The following DNAAF1 variants were observed in gnomAD, a reference collection of about 807,000 sequenced individuals.
DNAAF1 encodes dynein assembly factor 1, axonemal.
DNAAF1 carries 65 observed loss-of-function variants against 71.1 expected under a neutral mutation model. The ratio of observed to expected loss-of-function variants is 0.91; its 90% CI spans 0.75 to 1.12. The LOEUF (loss-of-function observed/expected upper bound fraction) is 1.12, where lower values mean the gene tolerates loss of function less well. Ranked by LOEUF, DNAAF1 falls within the 50% of genes most tolerant of loss-of-function variation. The pLI is 0.00. For synonymous variants in DNAAF1, 414 were observed against 354.6 expected (o/e 1.17, Z -1.88); for missense variants, 1,178 against 899.8 (o/e 1.31, Z -3.96).
intron 9 of DNAAF1, 143 bp from the exon 10 acceptor site, chr16:84,174,526 G>A (rs188634781): frequency 1.8e-4 from 279 of 1,551,698 alleles, no homozygotes; most frequent in Non-Finnish European, 2.1e-4. Flanking sequence ...CTTTTGGTGG[G>A]GAACAGGCAG....
chr16:84,153,585 C>A (rs1342927423), intron 3 of DNAAF1, among the ~76,000 whole-genome samples: 1 of 152,108 alleles, frequency 6.6e-6, no homozygotes, highest in Non-Finnish European at 1.5e-5. Context: ...AACATGGGTG[C>A]ATTTCTTTTT....
At chr16:84,163,472 C>A (rs1288934973) in intron 6 of DNAAF1, among the ~76,000 whole-genome samples, 2 of 151,874 alleles carry the variant, frequency 1.3e-5, no homozygotes, top group African/African-American at 4.8e-5. Context: ...CCTCTGTCTC[C>A]CAGGTTCAAG....
At chr16:84,174,154 G>A (rs1045842567) in intron 9 of DNAAF1, 27 of 996,396 alleles carry the variant, frequency 2.7e-5, no homozygotes, top group South Asian at 4.3e-5. Flanking sequence ...CCTAGGCACC[G>A]TGGCTCCAGT....
intron 11 of DNAAF1, 43 bp downstream of exon 11, chr16:84,176,342 TCC>T: frequency 1.2e-6 from 2 of 1,611,698 alleles, no homozygotes; most frequent in Non-Finnish European, 1.7e-6. Flanking sequence ...CAATGTTGGC[TCC>T]CCGGCCTGGG....
intron 9 of DNAAF1, 164 bp from the exon 10 acceptor site, chr16:84,174,505 A>G (rs1343982703): frequency 4.6e-6 from 7 of 1,526,270 alleles, no homozygotes; most frequent in Admixed American, 2.0e-5. Flanking sequence ...CTTTGTGTGT[A>G]TCTAGAGTTC....
intron 6 of DNAAF1, among the ~76,000 whole-genome samples, chr16:84,164,314 C>G (rs1230330254): frequency 1.3e-5 from 2 of 152,208 alleles, no homozygotes; most frequent in African/African-American, 4.8e-5. Flanking sequence ...TGGTGTTGCA[C>G]ACTGTATGGG....
At chr16:84,172,707 G>C (rs966910354) in intron 9 of DNAAF1, 1 of 1,193,984 alleles carries the variant, frequency 8.4e-7, no homozygotes, top group Non-Finnish European at 1.1e-6. Context: ...AAGTGGTTCT[G>C]ACTAGTTGCC....
intron 5 of DNAAF1, chr16:84,159,198 G>C (rs1179639079): frequency 9.9e-7 from 1 of 1,010,740 alleles, no homozygotes; most frequent in Non-Finnish European, 1.2e-6. Context: ...TCCATCCTGC[G>C]GCACTCAGCA....
At chr16:84,152,948 C>G (rs1160626164) in intron 3 of DNAAF1, among the ~76,000 whole-genome samples, 1 of 146,510 alleles carries the variant, frequency 6.8e-6, no homozygotes, top group East Asian at 2.0e-4. Context: ...CAGAGCCAGA[C>G]TCCATCTGAA....
chr16:84,146,188 G>T (rs893607795), intron 1 of DNAAF1, among the ~76,000 whole-genome samples: 1 of 152,126 alleles, frequency 6.6e-6, no homozygotes, highest in Non-Finnish European at 1.5e-5. Context: ...AACCCACCAC[G>T]CTATTCTCCC....
intron 1 of DNAAF1, among the ~76,000 whole-genome samples, chr16:84,147,816 AGCACTTTGGAAG>A (rs1329721844): frequency 1.3e-5 from 2 of 152,204 alleles, no homozygotes; most frequent in Non-Finnish European, 2.9e-5. Context: ...CTGTAATCCC[AGCACTTTGGAAG>A]GCCAAGGCGG....
At chr16:84,166,258 G>C (rs1179796812) in intron 7 of DNAAF1, among the ~76,000 whole-genome samples, 4 of 151,786 alleles carry the variant, frequency 2.6e-5, no homozygotes, top group South Asian at 2.1e-4. Flanking sequence ...TCGCCATGTT[G>C]TCCAGGCTCG....
At chr16:84,174,791 T>C in intron 10 of DNAAF1, 69 bp downstream of exon 10, 2 of 1,594,232 alleles carry the variant, frequency 1.3e-6, no homozygotes, top group South Asian at 1.1e-5. Context: ...CGTTTACCGT[T>C]TCTCTCCTAA....
intron 1 of DNAAF1, among the ~76,000 whole-genome samples, chr16:84,145,971 C>T (rs920707075): frequency 1.1e-4 from 16 of 152,230 alleles, no homozygotes; most frequent in African/African-American, 3.9e-4. Context: ...GTGGCGGGCG[C>T]CTGTAGTCTC....
intron 7 of DNAAF1, 180 bp downstream of exon 7, chr16:84,166,129 C>T: frequency 1.3e-6 from 1 of 785,740 alleles, no homozygotes; most frequent in Non-Finnish European, 2.0e-6. Flanking sequence ...TCTTGGCTCA[C>T]TGCAACTTCT....
intron 1 of DNAAF1, 122 bp from the exon 2 acceptor site, chr16:84,148,885 C>G: frequency 8.6e-7 from 1 of 1,165,276 alleles, no homozygotes; most frequent in South Asian, 1.3e-5. Flanking sequence ...CCACCATACC[C>G]AGCCACTAAA....
At chr16:84,166,941 C>G (rs1443803721) in intron 7 of DNAAF1, among the ~76,000 whole-genome samples, 1 of 152,226 alleles carries the variant, frequency 6.6e-6, no homozygotes, top group Non-Finnish European at 1.5e-5. Context: ...CCCACACCCA[C>G]CAATTCTCTG....
intron 10 of DNAAF1, 51 bp from the exon 11 acceptor site, chr16:84,175,882 G>C (rs150484385): frequency 1.9e-6 from 3 of 1,604,504 alleles, no homozygotes; most frequent in Admixed American, 3.3e-5. Context: ...ATTGTAGAGC[G>C]ATTCTGTTGT....
chr16:84,169,881 T>C lies in DNAAF1; in HGVS notation c.1053T>C (p.Asp351=). The change falls in exon 8 of 12, where the codon GAT becomes GAC. Residue 351 remains aspartate, a synonymous_variant. Coordinates refer to ENST00000378553, the MANE Select transcript of DNAAF1 (RefSeq NM_178452.6). The stretch of plus-strand genomic sequence containing the variant: ...TAGGGGAGATGACATCTTCAGATGA[T>C]GGTGAGAATGTGCCCGCCAGTGCGG... The part of the protein sequence containing the change: ...QERGEMTSSD[D]GENVPASAEG... 6.2e-7 allele frequency: 1 copy of C among 1,613,958 alleles called. No homozygotes were observed. Among genetic ancestry groups the C allele is most frequent in the Non-Finnish European group, 8.5e-7 (1 of 1,180,030 alleles).
Sources: gnomAD v4.1 joint callset for allele counts (sites outside exome capture counted in the v4.1 genomes callset) on GRCh38, gnomAD v4.1.1 for gene constraint, MANE v1.5 for transcripts, NCBI Gene and HGNC (gene_info 2026-07-23, HGNC 2026-07-21) for gene names.